ABTB3: variants seen among roughly 807,000 people sequenced by gnomAD.
ABTB3 encodes the protein ankyrin repeat and BTB domain containing 3, also known as ankyrin repeat- and BTB/POZ domain-containing protein 3.
At chr12:107,428,919 A>G in the ABTB3 span, among the ~76,000 whole-genome samples, 2 of 152,228 alleles carry the variant, frequency 1.3e-5, no homozygotes, top group Non-Finnish European at 2.9e-5. Context: ...AGATGAAAAA[A>G]TGGAGGCCGA....
At chr12:107,425,805 A>T in the ABTB3 span, among the ~76,000 whole-genome samples, 1 of 152,214 alleles carries the variant, frequency 6.6e-6, no homozygotes, top group Non-Finnish European at 1.5e-5. Flanking sequence ...ACGGCCAGGC[A>T]CGTGGTGATG....
chr12:107,581,261 C>A, the ABTB3 span: 1 of 1,510,838 alleles, frequency 6.6e-7, no homozygotes, highest in Non-Finnish European at 8.8e-7. Flanking sequence ...CCAGGCGGCC[C>A]GGCTGCTGCT....
chr12:107,372,938 A>G, the ABTB3 span, among the ~76,000 whole-genome samples: 4 of 152,154 alleles, frequency 2.6e-5, no homozygotes, highest in Non-Finnish European at 5.9e-5. Context: ...ATCAACCTCA[A>G]CACCATTGGC....
the ABTB3 span, among the ~76,000 whole-genome samples, chr12:107,377,388 TGAGAGA>T: frequency 1.4e-5 from 2 of 140,452 alleles, no homozygotes; most frequent in Admixed American, 7.4e-5. Flanking sequence ...AACACTTCCT[TGAGAGA>T]GAGAGAGAGA....
the ABTB3 span, among the ~76,000 whole-genome samples, chr12:107,570,635 C>A: frequency 1.4e-4 from 21 of 151,764 alleles, no homozygotes; most frequent in Admixed American, 1.4e-3. Flanking sequence ...GATGTCAATC[C>A]ATTCTTGATG....
chr12:107,610,122 TG>T, the ABTB3 span: 1 of 1,585,028 alleles, frequency 6.3e-7, no homozygotes, highest in Non-Finnish European at 8.7e-7. Context: ...GGGTGCTTCC[TG>T]CGGAGTTTGC....
At chr12:107,521,263 T>TTGTGTGTGTGTGTGTGTGTGTG in the ABTB3 span, among the ~76,000 whole-genome samples, 1 of 142,864 alleles carries the variant, frequency 7.0e-6, no homozygotes, top group African/African-American at 2.6e-5. Context: ...TTCATATAAG[T>TTGTGTGTGTGTGTGTGTGTGTG]TGTGTGTGTG....
the ABTB3 span, among the ~76,000 whole-genome samples, chr12:107,361,792 G>C: frequency 5.8e-3 from 881 of 152,236 alleles, 3 homozygotes; most frequent in Admixed American, 0.01. Flanking sequence ...TTGGAGGTTT[G>C]TGTCCCACCC....
At chr12:107,538,696 T>A in the ABTB3 span, among the ~76,000 whole-genome samples, 1 of 152,140 alleles carries the variant, frequency 6.6e-6, no homozygotes, top group African/African-American at 2.4e-5. Context: ...CCTTGGTCAT[T>A]TATGCAGGTT....
At chr12:107,574,185 C>T in the ABTB3 span, among the ~76,000 whole-genome samples, 1 of 152,208 alleles carries the variant, frequency 6.6e-6, no homozygotes. Context: ...TAGCTTTTCC[C>T]AGCCTCACTT....
At chr12:107,382,937 C>A in the ABTB3 span, among the ~76,000 whole-genome samples, 1 of 152,168 alleles carries the variant, frequency 6.6e-6, no homozygotes, top group Non-Finnish European at 1.5e-5. Flanking sequence ...ATCCTCGTAG[C>A]TGCTGCCTGG....
At chr12:107,471,347 A>G in the ABTB3 span, among the ~76,000 whole-genome samples, 1,701 of 152,324 alleles carry the variant, frequency 0.011, 35 homozygotes, top group African/African-American at 0.038. Flanking sequence ...ATAAGGGATT[A>G]TCTGGGTGAA....
chr12:107,572,472 C>T, the ABTB3 span, among the ~76,000 whole-genome samples: 1 of 152,084 alleles, frequency 6.6e-6, no homozygotes, highest in Non-Finnish European at 1.5e-5. Flanking sequence ...GGCACAGACC[C>T]GGGAATATCC....
the ABTB3 span, among the ~76,000 whole-genome samples, chr12:107,506,153 T>C: frequency 1.1e-4 from 17 of 152,334 alleles, no homozygotes; most frequent in East Asian, 2.5e-3. Flanking sequence ...CCACCAATAG[T>C]GTATATGCAT....
At chr12:107,655,474 G>C in the ABTB3 span, among the ~76,000 whole-genome samples, 2 of 152,136 alleles carry the variant, frequency 1.3e-5, no homozygotes, top group Admixed American at 6.5e-5. Flanking sequence ...GCTGCAGCCC[G>C]CTAATGGTCA....
chr12:107,362,921 G>A, the ABTB3 span, among the ~76,000 whole-genome samples: 1 of 152,134 alleles, frequency 6.6e-6, no homozygotes, highest in Non-Finnish European at 1.5e-5. Flanking sequence ...AGGAAACTAA[G>A]GGTTAGAGAA....
chr12:107,530,432 C>G, the ABTB3 span, among the ~76,000 whole-genome samples: 1 of 152,176 alleles, frequency 6.6e-6, no homozygotes, highest in Non-Finnish European at 1.5e-5. Context: ...ATACAAGTAG[C>G]ACATGCCATA....
the ABTB3 span, among the ~76,000 whole-genome samples, chr12:107,343,666 C>T: frequency 1.1e-3 from 173 of 152,204 alleles, no homozygotes; most frequent in African/African-American, 4.0e-3. Flanking sequence ...TAAAGAAATG[C>T]CTGAGACTGA....
chr12:107,398,253 G>C, the ABTB3 span, among the ~76,000 whole-genome samples: 2 of 152,064 alleles, frequency 1.3e-5, no homozygotes. Context: ...GCATGCACGT[G>C]AGGCCCACGT....
Sources: gnomAD v4.1 joint callset for allele counts (sites outside exome capture counted in the v4.1 genomes callset) on GRCh38, gnomAD v4.1.1 for gene constraint, MANE v1.5 for transcripts, NCBI Gene and HGNC (gene_info 2026-07-23, HGNC 2026-07-21) for gene names.